GRID1: variants seen among roughly 807,000 people sequenced by gnomAD.
The protein encoded by GRID1 is glutamate receptor ionotropic, delta-1.
Under a neutral mutation model 98.0 loss-of-function variants are expected in GRID1, and 28 were observed. That is an observed-to-expected ratio of 0.29 (90% CI 0.21 to 0.39). The LOEUF (loss-of-function observed/expected upper bound fraction) is 0.39, where lower values mean the gene tolerates loss of function less well. GRID1 is among the 10% of genes least tolerant of loss of function. GRID1 has a pLI of 1.00. For missense variants in GRID1, 1,111 were observed against 1,340.5 expected (o/e 0.83, Z 2.67); for synonymous variants, 553 against 538.5 (o/e 1.03, Z -0.37).
chr10:86,039,636 G>A (rs1843318737), intron 4 of GRID1, among the ~76,000 whole-genome samples: 1 of 152,154 alleles, frequency 6.6e-6, no homozygotes, highest in African/African-American at 2.4e-5. Context: ...TGAGTAGAAG[G>A]GCGAGCTGAG....
At chr10:86,039,983 C>A (rs1007678316) in intron 4 of GRID1, among the ~76,000 whole-genome samples, 1 of 152,090 alleles carries the variant, frequency 6.6e-6, no homozygotes, top group South Asian at 2.1e-4. Flanking sequence ...GGATCAGAAG[C>A]CCCTGGAGGA....
At chr10:85,723,389 G>A (rs3740178) in intron 11 of GRID1, among the ~76,000 whole-genome samples, 9,121 of 152,192 alleles carry the variant, frequency 0.06, 518 homozygotes, top group African/African-American at 0.15. Context: ...CTAGTGGTGC[G>A]AAGGTTGTCA....
At chr10:85,847,664 TCATGTCA>T (rs1564608556) in intron 8 of GRID1, among the ~76,000 whole-genome samples, 1 of 151,828 alleles carries the variant, frequency 6.6e-6, no homozygotes, top group Non-Finnish European at 1.5e-5. Context: ...AGCTAGGCCA[TCATGTCA>T]CAATTTATCC....
chr10:86,108,560 C>T (rs2089295477), intron 4 of GRID1, among the ~76,000 whole-genome samples: 1 of 152,140 alleles, frequency 6.6e-6, no homozygotes, highest in Non-Finnish European at 1.5e-5. Flanking sequence ...CACAATATTC[C>T]AGAAGGAGCT....
chr10:85,652,377 C>T (rs1843283554), intron 12 of GRID1, among the ~76,000 whole-genome samples: 1 of 152,134 alleles, frequency 6.6e-6, no homozygotes, highest in South Asian at 2.1e-4. Flanking sequence ...GTAACAAGAG[C>T]AGAATCAATA....
chr10:85,767,205 C>A (rs754305616), intron 8 of GRID1, among the ~76,000 whole-genome samples: 1 of 152,084 alleles, frequency 6.6e-6, no homozygotes, highest in Non-Finnish European at 1.5e-5. Flanking sequence ...TTACTTTGAC[C>A]GCTAGGAAAT....
chr10:85,762,291 G>A (rs1407128944), intron 8 of GRID1, among the ~76,000 whole-genome samples: 2 of 152,142 alleles, frequency 1.3e-5, no homozygotes, highest in East Asian at 1.9e-4. Flanking sequence ...TGTTCCAAAA[G>A]GACTAATCCT....
At chr10:86,310,812 C>T (rs1847822415) in intron 2 of GRID1, among the ~76,000 whole-genome samples, 1 of 152,140 alleles carries the variant, frequency 6.6e-6, no homozygotes. Context: ...ATCCAAAAAG[C>T]CAAAGTCAGA....
intron 8 of GRID1, among the ~76,000 whole-genome samples, chr10:85,783,376 C>T (rs1004440538): frequency 6.6e-6 from 1 of 152,202 alleles, no homozygotes; most frequent in African/African-American, 2.4e-5. Flanking sequence ...AGACTGACCA[C>T]ACACAGGTTT....
intron 2 of GRID1, among the ~76,000 whole-genome samples, chr10:86,324,605 C>A (rs11306748): frequency 4.9e-5 from 2 of 41,104 alleles, no homozygotes; most frequent in Non-Finnish European, 1.3e-4. Context: ...CTTTAAGGAA[C>A]AAAAACCTGG....
chr10:85,859,972 C>T (rs1375816987), intron 6 of GRID1, among the ~76,000 whole-genome samples: 1 of 152,152 alleles, frequency 6.6e-6, no homozygotes, highest in Non-Finnish European at 1.5e-5. Context: ...GAAGCCTTTC[C>T]TCAGGGAAGA....
intron 5 of GRID1, among the ~76,000 whole-genome samples, chr10:85,912,197 T>C (rs1483851598): frequency 2.6e-5 from 4 of 152,242 alleles, no homozygotes; most frequent in Non-Finnish European, 4.4e-5. Flanking sequence ...TAATGGTTCA[T>C]TTTGTTTTCC....
intron 12 of GRID1, among the ~76,000 whole-genome samples, chr10:85,675,453 A>G (rs996721956): frequency 3.9e-5 from 6 of 152,182 alleles, no homozygotes; most frequent in African/African-American, 1.4e-4. Context: ...TCCTGGTGAG[A>G]AAGGCTGCTT....
intron 12 of GRID1, among the ~76,000 whole-genome samples, chr10:85,720,870 C>A (rs1841693817): frequency 6.6e-6 from 1 of 152,064 alleles, no homozygotes; most frequent in Non-Finnish European, 1.5e-5. Flanking sequence ...AATTGAACCT[C>A]ATCAAAATTA....
chr10:86,360,714 G>A (rs1848589373), intron 2 of GRID1, among the ~76,000 whole-genome samples: 1 of 152,180 alleles, frequency 6.6e-6, no homozygotes, highest in Admixed American at 6.5e-5. Context: ...ATTTACACAT[G>A]TCTCATCTCA....
chr10:85,875,309 A>T (rs1390605481), intron 5 of GRID1, among the ~76,000 whole-genome samples: 1 of 152,160 alleles, frequency 6.6e-6, no homozygotes, highest in Non-Finnish European at 1.5e-5. Context: ...TCTGATATTA[A>T]TATAGCTACA....
chr10:86,037,175 T>C (rs1220898963), intron 4 of GRID1, among the ~76,000 whole-genome samples: 1 of 152,040 alleles, frequency 6.6e-6, no homozygotes, highest in Non-Finnish European at 1.5e-5. Context: ...GCAACAAAGG[T>C]ACTTGCAAAG....
At chr10:86,102,483 C>G (rs556563568) in intron 4 of GRID1, among the ~76,000 whole-genome samples, 1 of 152,242 alleles carries the variant, frequency 6.6e-6, no homozygotes, top group South Asian at 2.1e-4. Flanking sequence ...CAAGGCATTA[C>G]CCCATGCCCA....
intron 4 of GRID1, among the ~76,000 whole-genome samples, chr10:85,992,726 G>A (rs982653769): frequency 8.5e-5 from 13 of 152,138 alleles, no homozygotes; most frequent in African/African-American, 3.1e-4. Flanking sequence ...GAGGCAGGAA[G>A]AGTGCTTGAG....
Sources: allele counts gnomAD v4.1 joint callset (sites outside exome capture counted in the v4.1 genomes callset), GRCh38; gene constraint gnomAD v4.1.1; transcripts MANE v1.5; gene names NCBI Gene and HGNC (gene_info 2026-07-23, HGNC 2026-07-21).